Variants in CCDC120 observed in about 807,000 individuals in gnomAD.
CCDC120 encodes coiled-coil domain-containing protein 120.
Under a neutral mutation model 37.6 loss-of-function variants are expected in CCDC120, and 16 were observed. The observed-to-expected ratio is 0.43, with a 90% CI of 0.29 to 0.65. The LOEUF (loss-of-function observed/expected upper bound fraction) is 0.65, where lower values mean the gene tolerates loss of function less well. CCDC120 is among the 30% of genes least tolerant of loss of function. CCDC120 has a pLI of 0.18. For missense variants in CCDC120, 650 were observed against 657.4 expected (o/e 0.99, Z 0.12); for synonymous variants, 309 against 275.4 (o/e 1.12, Z -1.21).
At position 49,068,880 on chromosome X, in the gene CCDC120, AAG is replaced by A. The variant is rs34912239; in HGVS notation, c.*225_*226del. On this transcript the variant is annotated 3_prime_UTR_variant, in exon 11 of 11. Transcript: ENST00000603986. Reference sequence around the variant, plus strand: ...GACTGGGGGCCCTCAGCTAGCTTAAAAGAGGGGGGATGATGTCATGGGGACCC... The same window carrying A: ...GACTGGGGGCCCTCAGCTAGCTTAAAAGGGGGGATGATGTCATGGGGACCC... 5.7e-3 allele frequency: 1,616 copies of A among 285,982 alleles called. 4 individuals are homozygous for A. The highest frequency in any genetic ancestry group is 8.7e-3 in the Middle Eastern group (9 of 1,039). 23.6% of individuals were successfully genotyped at this position (285,982 alleles called of 1,213,427 possible). A position where few individuals can be genotyped will look rare whatever the true frequency, so the allele number is the denominator to read the frequency against.
In CCDC120 at chrX:49,068,668, A is replaced by G; in HGVS notation, c.*10A>G. 9.0e-7 allele frequency: 1 copy of G among 1,105,236 alleles called. No individual in the cohort carries two copies. The highest frequency in any genetic ancestry group is 3.5e-5 in the East Asian group (1 of 28,493). The allele number at this position is 1,105,236 out of a possible 1,213,427, so 91.1% of individuals were successfully genotyped here. On this transcript the variant is annotated 3_prime_UTR_variant, in exon 11 of 11. Transcript: ENST00000603986. ...GGGGACACTGGTCTGACCCCTTCTG[A>G]TATGTCCCTTGTTGGCCTGGGCACG... is the stretch of plus-strand genomic sequence containing the variant.
chrX:49,062,771 T>A, intron 4 of CCDC120, 170 bp downstream of exon 4: 2 of 556,344 alleles, frequency 3.6e-6, no homozygotes, highest in East Asian at 7.4e-5. Context: ...TTAGAATGAA[T>A]GAAATAGGCT....
Position 49,064,562 on chromosome X carries a change from C to T in CCDC120, c.622C>T (p.Leu208Phe), listed in dbSNP as rs2147800040. 1 of 1,176,968 alleles carries T rather than the reference C, an allele frequency of 8.5e-7. No individual in the cohort carries two copies. The highest frequency in any genetic ancestry group is 3.2e-5 in the East Asian group (1 of 31,507). ...QLRDVRARLG[L>F]PVLPLPQPLP... ...CAGGGATGTCCGGGCCCGCCTTGGC[C>T]TCCCAGTGCTCCCGCTGCCCCAGCC... The change falls in exon 6 of 11, where the codon CTC (leucine) becomes TTC (phenylalanine). Residue 208 changes from leucine to phenylalanine, a missense_variant. Coordinates refer to ENST00000603986, the MANE Select transcript of CCDC120 (RefSeq NM_001163321.4).
In CCDC120 at chrX:49,062,452, C is replaced by T. The variant is rs186417996; in HGVS notation, c.155-16C>T. ...GCCCTGGCTGTCCCACTGATCTTTG[C>T]TCCCTCTGTGTCCAGCTGCCCTGTT... is the stretch of plus-strand genomic sequence containing the variant. On this transcript the variant is annotated splice_polypyrimidine_tract_variant and intron_variant, in intron 3 of 10. Transcript: ENST00000603986. 1.3e-3 allele frequency: 1,579 copies of T among 1,210,671 alleles called. 15 individuals carry two copies. The African/African-American group carries it at 0.025, about 19-fold the overall frequency.
chrX:49,066,221 C>T (rs1232727723), intron 9 of CCDC120, among the ~76,000 whole-genome samples: 1 of 110,520 alleles, frequency 9.0e-6, no homozygotes, highest in Non-Finnish European at 1.9e-5. Flanking sequence ...AAGAGCGAAA[C>T]TCCGTCTCAA....
At chrX:49,061,917 T>C (rs2064889890) in intron 1 of CCDC120, 42 bp from the exon 2 acceptor site, 1 of 1,091,911 alleles carries the variant, frequency 9.2e-7, no homozygotes, top group Non-Finnish European at 1.2e-6. Flanking sequence ...TCCATTGTTG[T>C]TATAGTTGGT....
Position 49,067,457 on chromosome X carries a change from GC to G in CCDC120, c.1349del (p.Pro450GlnfsTer221). On this transcript the variant is annotated frameshift_variant, in exon 10 of 11. Transcript: ENST00000603986. LOFTEE classifies it high-confidence loss of function. ...PTPAFSSRTA[G>X]PPDPPRAARP... ...CCTGCCTTCTCCTCCCGCACAGCAG[GC>G]CCCCCAGACCCTCCCCGGGCCGCCC... The G allele has an allele frequency of 2.5e-6, 3 of 1,186,617 alleles. No homozygotes were observed. The highest frequency in any genetic ancestry group is 1.1e-6 in the Non-Finnish European group (1 of 882,679).
chrX:49,064,260 G>T, intron 5 of CCDC120, 110 bp from the exon 6 acceptor site: 1 of 894,451 alleles, frequency 1.1e-6, no homozygotes. Context: ...CCCCTCCCCG[G>T]GGTGAATAGG....
upstream of CCDC120, among the ~76,000 whole-genome samples, chrX:49,054,676 C>G (rs1557078145): frequency 1.8e-5 from 2 of 110,846 alleles, no homozygotes; most frequent in African/African-American, 6.6e-5. Flanking sequence ...AATCCTGACC[C>G]CTGCCCTGCT....
intron 10 of CCDC120, 45 bp from the exon 11 acceptor site, chrX:49,068,499 G>A: frequency 9.6e-7 from 1 of 1,047,064 alleles, no homozygotes; most frequent in East Asian, 3.8e-5. Flanking sequence ...TCTTCTTCTT[G>A]TCTTCCCCGC....
intron 9 of CCDC120, 152 bp downstream of exon 9, chrX:49,065,997 C>A: frequency 1.9e-6 from 1 of 517,616 alleles, no homozygotes; most frequent in Non-Finnish European, 3.1e-6. Flanking sequence ...CCGAGGCGGG[C>A]GGGTTACTTG....
chrX:49,067,979 C>T lies in CCDC120; in HGVS notation c.1865C>T (p.Pro622Leu), dbSNP rs782517059. The T allele has an allele frequency of 1.9e-5, 22 of 1,157,906 alleles. No individual in the cohort carries two copies. In the African/African-American group the frequency reaches 3.9e-4, roughly 21 times the overall value. Residue 622 changes from proline (P) to leucine (L), a missense_variant, in exon 10 of 11, where the codon CCA becomes CTA. By Grantham distance (98) the Pro-to-Leu change is moderately conservative. Around this residue, in one of 3 missense-constraint regions of CCDC120, gnomAD observed 576 missense variants for 565.3 expected, o/e 1.02. Coordinates refer to ENST00000603986, the MANE Select transcript of CCDC120 (RefSeq NM_001163321.4). ...PVLPSVGPPH[P>L]PFLHARCYEV... is the part of the protein sequence containing the mutation. ...CTCCCTTCCGTGGGCCCGCCACACC[C>T]ACCCTTCCTCCATGCCCGCTGCTAT...
chrX:49,067,331 G>T lies in CCDC120; in HGVS notation c.1217G>T (p.Gly406Val), dbSNP rs1557081575. 2.5e-6 allele frequency: 3 copies of T among 1,206,941 alleles called. No homozygotes were observed. Among genetic ancestry groups the T allele is most frequent in the Admixed American group, 4.4e-5 (2 of 45,721 alleles). The change falls in exon 10 of 11, where the codon GGT (glycine) becomes GTT (valine). Residue 406 changes from glycine to valine, a missense_variant. Physicochemically the swap from Gly to Val is moderately radical, Grantham distance 109 (BLOSUM62 -3). This residue lies in a region of CCDC120 where 576 missense variants were observed against 565.3 expected (regional missense o/e 1.02). Transcript: ENST00000603986. ...SEALLVDRAA[G>V]GGAGSPPAPL... ...GCCCTGCTGGTGGACCGGGCCGCTG[G>T]TGGGGGAGCTGGCTCCCCGCCTGCC...
At chrX:49,068,436 C>T in intron 10 of CCDC120, 108 bp from the exon 11 acceptor site, 3 of 1,048,789 alleles carry the variant, frequency 2.9e-6, no homozygotes. Context: ...TGCCTGCCTC[C>T]ACCTCTTTAA....
At chrX:49,057,943 C>T (rs1442906233), upstream of CCDC120, among the ~76,000 whole-genome samples, 3 of 111,760 alleles carry the variant, frequency 2.7e-5, no homozygotes, top group Non-Finnish European at 5.6e-5. Context: ...TCATTTCCTT[C>T]TCTGGCATGA....
chrX:49,069,014 G>A lies in CCDC120; in HGVS notation c.*356G>A. The stretch of plus-strand genomic sequence containing the variant: ...GGAAACTGTGATCTCATCTGGTTGG[G>A]TTCATTCCTGTTCCCATGCCCAACC... On this transcript the variant is annotated 3_prime_UTR_variant, in exon 11 of 11. Transcript: ENST00000603986. 1 of 136,581 alleles carries A rather than the reference G, an allele frequency of 7.3e-6. No homozygotes were observed. The highest frequency in any genetic ancestry group is 3.1e-5 in the African/African-American group (1 of 32,571). The allele number at this position is 136,581 out of a possible 1,213,427, so 11.3% of individuals were successfully genotyped here. A position where few individuals can be genotyped will look rare whatever the true frequency, so the allele number is the denominator to read the frequency against.
chrX:49,068,558 T>C lies in CCDC120; in HGVS notation c.1991T>C (p.Phe664Ser). The C allele has an allele frequency of 8.7e-7, 1 of 1,147,245 alleles. No homozygotes were observed. The highest frequency in any genetic ancestry group is 1.2e-6 in the Non-Finnish European group (1 of 862,857). The allele number at this position is 1,147,245 out of a possible 1,213,427, so 94.5% of individuals were successfully genotyped here. Residue 664 changes from phenylalanine to serine, a missense_variant, in exon 11 of 11, where the codon TTC becomes TCC. Transcript: ENST00000603986. ...PPVSGRYYADFLYPPELSARL... is the reference protein window; with the variant it reads ...PPVSGRYYADSLYPPELSARL... ...CCCTTCTAAAGATACTACGCGGACT[T>C]CCTGTATCCCCCGGAGCTGAGCGCT... is the stretch of plus-strand genomic sequence containing the variant.
In CCDC120 at chrX:49,068,743, G is replaced by T. The variant is rs782363445; in HGVS notation, c.*85G>T. 4 of 934,465 alleles carry T rather than the reference G, an allele frequency of 4.3e-6. No homozygotes were observed. The Admixed American group carries it at 1.9e-4, about 45-fold the overall frequency. 77.0% of individuals were successfully genotyped at this position (934,465 alleles called of 1,213,427 possible). On this transcript the variant is annotated 3_prime_UTR_variant, in exon 11 of 11. Coordinates refer to ENST00000603986, the MANE Select transcript of CCDC120 (RefSeq NM_001163321.4). ...TGACCTCGCTGGGCCCTGGGGTGTG[G>T]TTGCTCTCAGTCCTGAGCAGAGTGC...
intron 9 of CCDC120, chrX:49,066,330 T>G (rs1439498708): frequency 8.5e-6 from 1 of 118,056 alleles, no homozygotes; most frequent in Non-Finnish European, 1.7e-5. Flanking sequence ...GTCTCCTCAT[T>G]TGTGAAATGG....
Sources: gnomAD v4.1 joint callset for allele counts (sites outside exome capture counted in the v4.1 genomes callset) on GRCh38, gnomAD v4.1.1 for gene constraint, gnomAD v4.1.1 regional missense constraint, MANE v1.5 for transcripts, NCBI Gene and HGNC (gene_info 2026-07-23, HGNC 2026-07-21) for gene names.